Variants in CREB5 observed in about 807,000 individuals in gnomAD.
CREB5 encodes the protein cyclic AMP-responsive element-binding protein 5.
A neutral mutation model predicts 57.1 loss-of-function variants in CREB5; 19 were observed. The observed-to-expected ratio is 0.33, with a 90% CI of 0.23 to 0.49. The LOEUF is 0.49. Among genes scored for constraint, CREB5 ranks in the 20% least tolerant of loss-of-function variants. CREB5 has a pLI of 0.99. For synonymous variants in CREB5, 238 were observed against 238.3 expected (o/e 1.00, Z 0.01); for missense variants, 579 against 671.6 (o/e 0.86, Z 1.52).
At chr7:28,301,788 G>A (rs1225311993) in intron 1 of CREB5, among the ~76,000 whole-genome samples, 1 of 152,302 alleles carries the variant, frequency 6.6e-6, no homozygotes, top group African/African-American at 2.4e-5. Flanking sequence ...AGAGGAGGAG[G>A]ATGCACAAGG....
At chr7:28,602,070 T>A (rs1265795650) in intron 5 of CREB5, among the ~76,000 whole-genome samples, 2 of 152,312 alleles carry the variant, frequency 1.3e-5, no homozygotes, top group Admixed American at 1.3e-4. Context: ...GCAATCTTTT[T>A]AAATATATAC....
intron 5 of CREB5, among the ~76,000 whole-genome samples, chr7:28,711,445 G>A (rs1052710063): frequency 1.3e-5 from 2 of 152,176 alleles, no homozygotes; most frequent in Admixed American, 1.3e-4. Context: ...GTTAAAAGGG[G>A]AAATATTATA....
chr7:28,758,832 G>A (rs1416077775), intron 7 of CREB5, among the ~76,000 whole-genome samples: 1 of 152,156 alleles, frequency 6.6e-6, no homozygotes, highest in East Asian at 1.9e-4. Flanking sequence ...TTATATATTT[G>A]TACTCTATCA....
At chr7:28,308,981 A>G (rs186459944) in intron 1 of CREB5, among the ~76,000 whole-genome samples, 50 of 152,322 alleles carry the variant, frequency 3.3e-4, no homozygotes, top group African/African-American at 9.1e-4. Flanking sequence ...TCAACCAATC[A>G]GCTGAGTAGA....
At chr7:28,569,435 C>G (rs547759715) in intron 4 of CREB5, among the ~76,000 whole-genome samples, 1 of 152,172 alleles carries the variant, frequency 6.6e-6, no homozygotes, top group Non-Finnish European at 1.5e-5. Context: ...GAGTAACTTT[C>G]TTTTCTATGA....
At chr7:28,645,879 T>G (rs1451369176) in intron 5 of CREB5, among the ~76,000 whole-genome samples, 1 of 152,184 alleles carries the variant, frequency 6.6e-6, no homozygotes, top group East Asian at 1.9e-4. Context: ...CCAATCCAGG[T>G]GGGCCATCAT....
intron 1 of CREB5, among the ~76,000 whole-genome samples, chr7:28,301,502 A>ATGT (rs769984195): frequency 5.3e-5 from 8 of 152,202 alleles, no homozygotes; most frequent in Admixed American, 1.3e-4. Context: ...TGAGGTGCTG[A>ATGT]TGTTGTAAGC....
At chr7:28,487,354 G>C (rs1432847095) in intron 1 of CREB5, among the ~76,000 whole-genome samples, 2 of 152,164 alleles carry the variant, frequency 1.3e-5, no homozygotes, top group African/African-American at 4.8e-5. Flanking sequence ...TGGGATTACA[G>C]GCATGAGCCA....
intron 1 of CREB5, among the ~76,000 whole-genome samples, chr7:28,306,428 T>C (rs1785183154): frequency 6.6e-6 from 1 of 152,036 alleles, no homozygotes; most frequent in African/African-American, 2.4e-5. Flanking sequence ...CCATTCCTAA[T>C]TGGGTTGATG....
intron 1 of CREB5, among the ~76,000 whole-genome samples, chr7:28,484,312 A>G (rs1311501158): frequency 6.6e-6 from 1 of 152,178 alleles, no homozygotes; most frequent in African/African-American, 2.4e-5. Context: ...ATAATAATAG[A>G]CCATAAAAAT....
At chr7:28,654,426 A>C (rs902830214) in intron 5 of CREB5, among the ~76,000 whole-genome samples, 2 of 152,240 alleles carry the variant, frequency 1.3e-5, no homozygotes, top group African/African-American at 4.8e-5. Context: ...AAATCAATAC[A>C]TAATGATGTA....
chr7:28,599,589 G>A (rs527840983), intron 5 of CREB5, among the ~76,000 whole-genome samples: 13 of 152,232 alleles, frequency 8.5e-5, no homozygotes, highest in East Asian at 1.9e-4. Flanking sequence ...CATAGCCTCC[G>A]GAAACCATGC....
chr7:28,355,427 A>G (rs1172217091), intron 1 of CREB5, among the ~76,000 whole-genome samples: 1 of 152,200 alleles, frequency 6.6e-6, no homozygotes, highest in Admixed American at 6.5e-5. Context: ...TTTTTATTAC[A>G]TGATTTCTTA....
intron 5 of CREB5, among the ~76,000 whole-genome samples, chr7:28,603,979 A>C (rs1165753918): frequency 6.6e-6 from 1 of 152,196 alleles, no homozygotes; most frequent in Non-Finnish European, 1.5e-5. Context: ...TATAGTATTT[A>C]GCAGGATGGG....
intron 1 of CREB5, among the ~76,000 whole-genome samples, chr7:28,404,071 G>A (rs963031547): frequency 6.6e-5 from 10 of 152,228 alleles, no homozygotes; most frequent in East Asian, 1.9e-4. Flanking sequence ...TTACCAGAAC[G>A]TGGATACACT....
At chr7:28,568,709 C>T (rs764473219) in intron 4 of CREB5, among the ~76,000 whole-genome samples, 5 of 152,138 alleles carry the variant, frequency 3.3e-5, no homozygotes, top group Non-Finnish European at 7.3e-5. Flanking sequence ...ACAGTAGGCT[C>T]ACAGTCTAAG....
At chr7:28,762,866 C>T (rs1805742859) in intron 7 of CREB5, among the ~76,000 whole-genome samples, 2 of 152,138 alleles carry the variant, frequency 1.3e-5, no homozygotes, top group East Asian at 1.9e-4. Context: ...AGCTGAAACA[C>T]ATAACAAATC....
intron 4 of CREB5, among the ~76,000 whole-genome samples, chr7:28,517,281 C>T (rs1793006992): frequency 6.6e-6 from 1 of 152,306 alleles, no homozygotes; most frequent in South Asian, 2.1e-4. Context: ...TCCAGGTGAA[C>T]ATTAAGTACG....
intron 1 of CREB5, among the ~76,000 whole-genome samples, chr7:28,415,279 C>A (rs1038567110): frequency 6.6e-6 from 1 of 152,034 alleles, no homozygotes; most frequent in South Asian, 2.1e-4. Context: ...GATTGATAGA[C>A]CAATTTTTCA....
Sources: gnomAD v4.1 joint callset for allele counts (sites outside exome capture counted in the v4.1 genomes callset) on GRCh38, gnomAD v4.1.1 for gene constraint, MANE v1.5 for transcripts, NCBI Gene and HGNC (gene_info 2026-07-23, HGNC 2026-07-21) for gene names.